DEPDC4: variants seen among roughly 807,000 people sequenced by gnomAD.
DEPDC4 encodes DEP domain-containing protein 4.
DEPDC4 carries 52 observed loss-of-function variants against 52.0 expected under a neutral mutation model. The observed-to-expected ratio is 1.00, with a 90% CI of 0.80 to 1.26. DEPDC4 has a LOEUF of 1.26. DEPDC4 is among the 50% of genes most tolerant of loss of function. DEPDC4 has a pLI of 0.00. For missense variants in DEPDC4, 530 were observed against 546.9 expected (o/e 0.97, Z 0.31); for synonymous variants, 201 against 196.8 (o/e 1.02, Z -0.18).
intron 5 of DEPDC4, 101 bp from the exon 6 acceptor site, chr12:100,252,637 A>G (rs2096213111): frequency 2.6e-6 from 3 of 1,164,798 alleles, no homozygotes. Context: ...ATGTTGTATT[A>G]GTTTGCAGGT....
At chr12:100,245,618 T>G (rs563812660) in intron 8 of DEPDC4, among the ~76,000 whole-genome samples, 77 of 152,286 alleles carry the variant, frequency 5.1e-4, no homozygotes, top group African/African-American at 1.8e-3. Context: ...CAATTTTACC[T>G]CCTAAATATT....
chr12:100,276,544 C>T, the DEPDC4 span, among the ~76,000 whole-genome samples: 1 of 152,084 alleles, frequency 6.6e-6, no homozygotes, highest in South Asian at 2.1e-4. Context: ...CCTTATGTTG[C>T]TCGGGCTGGT....
chr12:100,238,546 G>A (rs2096146728), downstream of DEPDC4, among the ~76,000 whole-genome samples: 1 of 146,006 alleles, frequency 6.8e-6, no homozygotes, highest in African/African-American at 2.6e-5. Context: ...GTGTGCAGTG[G>A]CATAATCTCA....
upstream of DEPDC4, chr12:100,267,625 G>C (rs988802945): frequency 1.3e-5 from 2 of 152,394 alleles, no homozygotes; most frequent in African/African-American, 4.8e-5. Flanking sequence ...GCTCCGGGGA[G>C]CGGATCCGAG....
chr12:100,267,217 C>A (rs981016892), upstream of DEPDC4: 4 of 832,294 alleles, frequency 4.8e-6, no homozygotes, highest in South Asian at 3.7e-5. Context: ...CCCGGTCCCT[C>A]CCCTCCCCAC....
downstream of DEPDC4, among the ~76,000 whole-genome samples, chr12:100,239,274 C>T (rs1159467498): frequency 6.6e-6 from 1 of 152,106 alleles, no homozygotes; most frequent in African/African-American, 2.4e-5. Flanking sequence ...TGGGGTTTCA[C>T]CATGTTGGAC....
At chr12:100,236,271 G>A (rs747066322), downstream of DEPDC4, among the ~76,000 whole-genome samples, 14 of 152,100 alleles carry the variant, frequency 9.2e-5, no homozygotes, top group East Asian at 1.9e-4. Context: ...TCTCCACACC[G>A]TTTTCCATAG....
chr12:100,275,042 C>T, the DEPDC4 span, among the ~76,000 whole-genome samples: 1 of 152,038 alleles, frequency 6.6e-6, no homozygotes, highest in Non-Finnish European at 1.5e-5. Context: ...TATATCGTTC[C>T]ATTTATTTAG....
At chr12:100,276,190 G>A in the DEPDC4 span, among the ~76,000 whole-genome samples, 1 of 152,116 alleles carries the variant, frequency 6.6e-6, no homozygotes, top group Non-Finnish European at 1.5e-5. Context: ...TCTATTTTCT[G>A]GGAGAGTTTG....
chr12:100,263,777 T>C lies in DEPDC4; in HGVS notation c.274A>G (p.Thr92Ala), dbSNP rs1566328690. The C allele has an allele frequency of 6.2e-7, 1 of 1,614,168 alleles. No individual in the cohort carries two copies. Among genetic ancestry groups the C allele is most frequent in the Non-Finnish European group, 8.5e-7 (1 of 1,180,022 alleles). ...HHLQTYKDCF[T>A]GSDAVDVVLS... ...ACCACATCGACAGCATCAGAACCAG[T>C]GAAACAGTCTTTGTATGTCTGTAAA... Residue 92 changes from threonine to alanine, a missense_variant, in exon 2 of 10, where the codon ACT (threonine) becomes GCT (alanine). By Grantham distance (58) the Thr-to-Ala change is moderately conservative. Transcript: ENST00000550587.
At chr12:100,261,647 T>C in intron 3 of DEPDC4, 1 of 454,116 alleles carries the variant, frequency 2.2e-6, no homozygotes. Context: ...TCTCTTGCAG[T>C]GCAGACTATA....
chr12:100,257,401 T>A (rs539639078), intron 3 of DEPDC4, among the ~76,000 whole-genome samples: 36 of 149,926 alleles, frequency 2.4e-4, no homozygotes, highest in Admixed American at 1.1e-3. Context: ...TTATTTATTT[T>A]TTGAGATGGA....
In DEPDC4 at chr12:100,256,107, G is replaced by C. The variant is rs993291237; in HGVS notation, c.820C>G (p.Leu274Val). Residue 274 changes from leucine (L) to valine (V), a missense_variant, in exon 4 of 10, where the codon CTT becomes GTT. Physicochemically the swap from Leu to Val is conservative, Grantham distance 32. Transcript: ENST00000550587. ...QNLQLNKEED[L>V]VITNTCLDRE... ...TCTAGGCAAGTGTTAGTGATAACAAGATCTTCCTCTTTGTTTAGTTGAAGA... is the reference window on the plus strand; with the variant it reads ...TCTAGGCAAGTGTTAGTGATAACAACATCTTCCTCTTTGTTTAGTTGAAGA... The C allele has an allele frequency of 2.5e-6, 4 of 1,613,024 alleles. No individual in the cohort carries two copies. The East Asian group carries it at 6.7e-5, about 27-fold the overall frequency.
At chr12:100,269,398 T>G (rs1037322469), upstream of DEPDC4, among the ~76,000 whole-genome samples, 1 of 152,044 alleles carries the variant, frequency 6.6e-6, no homozygotes, top group Non-Finnish European at 1.5e-5. Context: ...TAGAATACAT[T>G]CTCCTGATTA....
chr12:100,270,623 C>CTTTTTTTTTTTTTTTTTTTT (rs559329533), upstream of DEPDC4, among the ~76,000 whole-genome samples: 1 of 125,704 alleles, frequency 8.0e-6, no homozygotes. Context: ...ATGTTGCTTT[C>CTTTTTTTTTTTTTTTTTTTT]TTTTTTTTTT....
At chr12:100,279,607 G>C in the DEPDC4 span, among the ~76,000 whole-genome samples, 2 of 152,150 alleles carry the variant, frequency 1.3e-5, no homozygotes, top group African/African-American at 4.8e-5. Flanking sequence ...AGTAATTTAT[G>C]ATTACTTTGG....
the DEPDC4 span, among the ~76,000 whole-genome samples, chr12:100,274,188 A>G: frequency 6.6e-6 from 1 of 152,240 alleles, no homozygotes; most frequent in Non-Finnish European, 1.5e-5. Flanking sequence ...AATTTCGTTA[A>G]TAGAGAAAAC....
At chr12:100,250,077 C>G (rs2096201441) in intron 7 of DEPDC4, among the ~76,000 whole-genome samples, 1 of 152,148 alleles carries the variant, frequency 6.6e-6, no homozygotes, top group African/African-American at 2.4e-5. Flanking sequence ...CTCAGCCTCC[C>G]TGAAATGTAT....
intron 3 of DEPDC4, chr12:100,261,832 C>T (rs1166641175): frequency 2.2e-6 from 1 of 455,298 alleles, no homozygotes; most frequent in African/African-American, 2.0e-5. Flanking sequence ...TTTAAAACGT[C>T]AGTTCTTGGA....
Sources: gnomAD v4.1 joint callset for allele counts (sites outside exome capture counted in the v4.1 genomes callset) on GRCh38, gnomAD v4.1.1 for gene constraint, MANE v1.5 for transcripts, NCBI Gene and HGNC (gene_info 2026-07-23, HGNC 2026-07-21) for gene names.